The following MICAL2 variants were observed in gnomAD, a reference collection of about 807,000 sequenced individuals.
MICAL2 encodes the protein [F-actin]-monooxygenase MICAL2.
In MICAL2, 77 loss-of-function variants were observed where a neutral mutation model predicts 127.3. That is an observed-to-expected ratio of 0.60 (90% CI 0.50 to 0.73). The LOEUF (loss-of-function observed/expected upper bound fraction) is 0.73. MICAL2 is among the 30% of genes least tolerant of loss of function. MICAL2 has a pLI of 0.00. For missense variants in MICAL2, 1,351 were observed against 1,434.4 expected (o/e 0.94, Z 0.94); for synonymous variants, 570 against 551.1 (o/e 1.03, Z -0.48).
chr11:12,294,357 C>A (rs534987047), downstream of MICAL2: 276 of 1,614,234 alleles, frequency 1.7e-4, 6 homozygotes, highest in South Asian at 3.0e-3. Context: ...CAGGCCTGCA[C>A]TCGCTCATTC....
At chr11:12,191,076 A>G (rs1859032404) in intron 3 of MICAL2, among the ~76,000 whole-genome samples, 1 of 152,240 alleles carries the variant, frequency 6.6e-6, no homozygotes, top group African/African-American at 2.4e-5. Flanking sequence ...GGACTGCTCT[A>G]GCCTCTGGGG....
At position 12,247,550 on chromosome 11, in the gene MICAL2, G is replaced by A. The variant is rs1860924226; in HGVS notation, c.2785-1634G>A. Among the ~76,000 whole-genome samples the A allele has an allele frequency of 2.6e-5, 4 of 152,164 alleles. No homozygotes were observed. The South Asian group carries it at 6.2e-4, about 24-fold the overall frequency. On this transcript the variant is annotated intron_variant, in intron 21 of 27. Coordinates refer to ENST00000683283, the MANE Select transcript of MICAL2 (RefSeq NM_001282663.2). ...TACCTACACTCGCAGGTTCATGCAG[G>A]TCACACTGTGAGGCCATTTTAGGCA...
Position 12,213,414 on chromosome 11 carries a change from G to A in MICAL2, c.847+4G>A. On this transcript the variant is annotated splice_donor_region_variant and intron_variant, in intron 7 of 27. Transcript: ENST00000683283. ...CAGGACCTTAAAGAAGAAACAGGTGGGACCTTCACCTTTCTCCCAACCAGG... is the reference window on the plus strand; with the variant it reads ...CAGGACCTTAAAGAAGAAACAGGTGAGACCTTCACCTTTCTCCCAACCAGG... 6.2e-7 allele frequency: 1 copy of A among 1,612,174 alleles called. No individual in the cohort carries two copies. The highest frequency in any genetic ancestry group is 1.7e-5 in the Admixed American group (1 of 59,790).
intron 3 of MICAL2, among the ~76,000 whole-genome samples, chr11:12,186,253 G>GC (rs1213346265): frequency 1.3e-5 from 2 of 152,170 alleles, no homozygotes; most frequent in Non-Finnish European, 2.9e-5. Context: ...GCTTGGGGGA[G>GC]TTTTTTTCTT....
chr11:12,228,110 C>A (rs535530435), intron 15 of MICAL2, among the ~76,000 whole-genome samples: 1 of 152,162 alleles, frequency 6.6e-6, no homozygotes, highest in Non-Finnish European at 1.5e-5. Flanking sequence ...AGGCAGATCA[C>A]CTGAGGTCAG....
chr11:12,331,823 G>C (rs933136160), intron 32 of MICAL2, among the ~76,000 whole-genome samples: 1 of 152,062 alleles, frequency 6.6e-6, no homozygotes, highest in Non-Finnish European at 1.5e-5. Context: ...AAATAAAATA[G>C]GTATCCAAAA....
intron 2 of MICAL2, among the ~76,000 whole-genome samples, chr11:12,146,117 A>C (rs2133674798): frequency 6.6e-6 from 1 of 152,326 alleles, no homozygotes. Context: ...AAACCCTAGA[A>C]GAAAACCTAG....
intron 22 of MICAL2, chr11:12,254,901 A>C: frequency 7.1e-6 from 1 of 140,324 alleles, no homozygotes; most frequent in African/African-American, 2.7e-5. Context: ...CGTAAAATTT[A>C]CCACCTTAAC....
intron 1 of MICAL2, among the ~76,000 whole-genome samples, chr11:12,117,632 G>T (rs1358779220): frequency 2.0e-5 from 3 of 152,268 alleles, no homozygotes; most frequent in South Asian, 2.1e-4. Flanking sequence ...CCCAGGGTCT[G>T]CCAGGGGCTT....
Position 12,213,395 on chromosome 11 carries a change from C to T in MICAL2, c.832C>T (p.Leu278Phe). 6.2e-7 allele frequency: 1 copy of T among 1,613,684 alleles called. No homozygotes were observed. The highest frequency in any genetic ancestry group is 8.5e-7 in the Non-Finnish European group (1 of 1,179,796). The change falls in exon 7 of 28, where the codon CTT (leucine) becomes TTT (phenylalanine). Residue 278 changes from leucine (L) to phenylalanine (F), a missense_variant. Physicochemically the swap from Leu to Phe is conservative, Grantham distance 22 (BLOSUM62 0). This residue lies in a region of MICAL2 where 599 missense variants were observed against 714.9 expected (regional missense o/e 0.84). Transcript: ENST00000683283. Reference protein sequence around the residue: ...FIFNQKFFQDLKEETGIDLEN... With the variant: ...FIFNQKFFQDFKEETGIDLEN... ...CTTCAATCAGAAATTTTTTCAGGAC[C>T]TTAAAGAAGAAACAGGTGGGACCTT...
At chr11:12,111,370 C>T (rs558704984) in intron 1 of MICAL2, among the ~76,000 whole-genome samples, 11 of 152,260 alleles carry the variant, frequency 7.2e-5, no homozygotes, top group Non-Finnish European at 1.2e-4. Flanking sequence ...CAGGAGCACC[C>T]CCGCAGGGTG....
intron 1 of MICAL2, among the ~76,000 whole-genome samples, chr11:12,132,293 A>G (rs1022165971): frequency 1.3e-5 from 2 of 152,146 alleles, no homozygotes; most frequent in African/African-American, 2.4e-5. Context: ...CCCCTTGAAC[A>G]TTCCACTCTC....
intron 30 of MICAL2, chr11:12,323,974 A>G: frequency 6.3e-7 from 1 of 1,595,842 alleles, no homozygotes; most frequent in Non-Finnish European, 8.5e-7. Flanking sequence ...ATTGGTTTTC[A>G]TAGGAGAAGA....
At chr11:12,254,839 T>A (rs1862096348) in intron 22 of MICAL2, 1 of 152,004 alleles carries the variant, frequency 6.6e-6, no homozygotes, top group Non-Finnish European at 1.5e-5. Context: ...AGGCTTTTGG[T>A]TTTTAATCTT....
intron 3 of MICAL2, among the ~76,000 whole-genome samples, chr11:12,199,468 C>T (rs377045452): frequency 3.3e-5 from 5 of 152,256 alleles, no homozygotes; most frequent in African/African-American, 9.6e-5. Context: ...GGGCAGGATT[C>T]GGAAGTGGAA....
intron 2 of MICAL2, among the ~76,000 whole-genome samples, chr11:12,155,493 T>C (rs879298444): frequency 1.3e-5 from 2 of 151,926 alleles, no homozygotes; most frequent in Non-Finnish European, 2.9e-5. Flanking sequence ...CCTGCAAACA[T>C]ACACACGTAC....
In MICAL2 at chr11:12,241,102, C is replaced by G. The variant is rs1859871477; in HGVS notation, c.2277C>G (p.His759Gln). Residue 759 changes from histidine (H) to glutamine (Q), a missense_variant, in exon 18 of 28, where the codon CAC (histidine) becomes CAG (glutamine). Coordinates refer to ENST00000683283, the MANE Select transcript of MICAL2 (RefSeq NM_001282663.2). The stretch of plus-strand genomic sequence containing the variant: ...GCTCTTCCTCCGGCCCTCCTGTTCA[C>G]TCTTGCTGCCCCAAGCCGGAGGAGG... ...VLCSSSGPPVHSCCPKPEEAT... is the reference protein window; with the variant it reads ...VLCSSSGPPVQSCCPKPEEAT... 1.2e-6 allele frequency: 2 copies of G among 1,614,200 alleles called. No homozygotes were observed. Among genetic ancestry groups the G allele is most frequent in the Non-Finnish European group, 1.7e-6 (2 of 1,180,040 alleles).
At chr11:12,155,656 T>C (rs1286618818) in intron 2 of MICAL2, among the ~76,000 whole-genome samples, 1 of 152,194 alleles carries the variant, frequency 6.6e-6, no homozygotes, top group Non-Finnish European at 1.5e-5. Context: ...CAATTACTTC[T>C]CTCTCTCTTT....
In MICAL2 at chr11:12,132,542, G is replaced by C. The variant is rs553082952; in HGVS notation, c.-148-5848G>C. ...CTGCCTGGATAATCCCCCATGACTG[G>C]GGCAACCACTCTCTGAAGCTGGCAG... On this transcript the variant is annotated intron_variant, in intron 1 of 27. Transcript: ENST00000683283. Among the ~76,000 whole-genome samples, 15 of 152,310 alleles carry C rather than the reference G, an allele frequency of 9.8e-5. No homozygotes were observed. The South Asian group carries it at 3.1e-3, about 32-fold the overall frequency.
Sources: allele counts gnomAD v4.1 joint callset (sites outside exome capture counted in the v4.1 genomes callset), GRCh38; gene constraint gnomAD v4.1.1; regional missense constraint gnomAD v4.1.1; transcripts MANE v1.5; gene names NCBI Gene and HGNC (gene_info 2026-07-23, HGNC 2026-07-21).